Variants in MEGF11 observed in about 807,000 individuals in gnomAD.
The protein encoded by MEGF11 is multiple EGF like domains 11, also known as multiple epidermal growth factor-like domains protein 11.
Under a neutral mutation model 146.6 loss-of-function variants are expected in MEGF11, and 126 were observed. The observed-to-expected ratio is 0.86, with a 90% CI of 0.74 to 1.00. The LOEUF (loss-of-function observed/expected upper bound fraction) is 1.00, where lower values mean the gene tolerates loss of function less well. Among genes scored for constraint, MEGF11 ranks in the 50% least tolerant of loss-of-function variants. MEGF11 has a pLI of 0.00. For missense variants in MEGF11, 1,509 were observed against 1,521.2 expected (o/e 0.99, Z 0.13); for synonymous variants, 532 against 583.4 (o/e 0.91, Z 1.27).
chr15:66,164,451 G>A (rs557300516), intron 1 of MEGF11, among the ~76,000 whole-genome samples: 8 of 152,202 alleles, frequency 5.3e-5, no homozygotes, highest in Middle Eastern at 3.4e-3. Context: ...AGGAGACCTG[G>A]GCCCAAGTTC....
chr15:65,950,510 T>C (rs2080360705), intron 10 of MEGF11, among the ~76,000 whole-genome samples: 1 of 151,244 alleles, frequency 6.6e-6, no homozygotes, highest in African/African-American at 2.4e-5. Context: ...CCCAGAGAGG[T>C]CAAGGCTGCA....
rs2078352983 is a variant in MEGF11, at chr15:65,896,027, T to C, written c.*1907A>G. The C allele has an allele frequency of 6.6e-6, 1 of 152,232 alleles. No homozygotes were observed. Among genetic ancestry groups the C allele is most frequent in the Admixed American group, 6.5e-5 (1 of 15,276 alleles). 9.4% of individuals were successfully genotyped at this position (152,232 alleles called of 1,614,324 possible). ...TAAGGGAAGAAGAGAAAACCTGGGA[T>C]TGAGTTGAAGTTTCTCCTTGCTGAT... On this transcript the variant is annotated 3_prime_UTR_variant, in exon 26 of 26. Transcript: ENST00000395614.
At chr15:66,188,973 G>A (rs1013453167) in intron 1 of MEGF11, among the ~76,000 whole-genome samples, 1 of 152,160 alleles carries the variant, frequency 6.6e-6, no homozygotes, top group African/African-American at 2.4e-5. Context: ...ATGATTCTGA[G>A]TGGAGCTGGC....
At chr15:66,120,334 G>A (rs931898195) in intron 3 of MEGF11, among the ~76,000 whole-genome samples, 2 of 152,230 alleles carry the variant, frequency 1.3e-5, no homozygotes, top group Admixed American at 6.5e-5. Context: ...GAGAGAGGAA[G>A]TGACCTGCCC....
At chr15:66,216,176 T>C in intron 1 of MEGF11, among the ~76,000 whole-genome samples, 1 of 152,176 alleles carries the variant, frequency 6.6e-6, no homozygotes, top group Non-Finnish European at 1.5e-5. Flanking sequence ...GAAATTCCCA[T>C]TGATGCTGAG....
intron 1 of MEGF11, among the ~76,000 whole-genome samples, chr15:66,183,025 G>A (rs1258561375): frequency 6.6e-6 from 1 of 152,182 alleles, no homozygotes; most frequent in Non-Finnish European, 1.5e-5. Context: ...ACAATAACGC[G>A]ATGTTGAGTG....
At chr15:66,239,763 G>C (rs1346356427) in intron 1 of MEGF11, among the ~76,000 whole-genome samples, 1 of 152,240 alleles carries the variant, frequency 6.6e-6, no homozygotes, top group African/African-American at 2.4e-5. Context: ...CTGGGCCCAG[G>C]TGAGGCACCA....
intron 1 of MEGF11, among the ~76,000 whole-genome samples, chr15:66,184,804 T>C (rs983367627): frequency 6.6e-6 from 1 of 151,828 alleles, no homozygotes; most frequent in East Asian, 1.9e-4. Context: ...CCCCTTCTCT[T>C]GTCTGGTGAA....
intron 5 of MEGF11, among the ~76,000 whole-genome samples, chr15:66,039,341 TGAG>T (rs1429505018): frequency 1.3e-5 from 2 of 152,152 alleles, no homozygotes; most frequent in Non-Finnish European, 2.9e-5. Flanking sequence ...TCCTGACAGC[TGAG>T]GAGGAGGGGA....
intron 23 of MEGF11, among the ~76,000 whole-genome samples, chr15:65,907,780 A>C (rs959348371): frequency 1.3e-5 from 2 of 152,230 alleles, no homozygotes; most frequent in African/African-American, 2.4e-5. Context: ...ACAGGCCCAA[A>C]GAGCAACAGT....
At chr15:66,084,979 C>T (rs897080164) in intron 5 of MEGF11, among the ~76,000 whole-genome samples, 6 of 152,152 alleles carry the variant, frequency 3.9e-5, no homozygotes, top group East Asian at 3.9e-4. Context: ...GAAGGGGGGA[C>T]GGGGTGCAGC....
chr15:66,120,353 G>A (rs530466580), intron 3 of MEGF11, among the ~76,000 whole-genome samples: 4 of 152,330 alleles, frequency 2.6e-5, no homozygotes, highest in African/African-American at 7.2e-5. Context: ...CCAAGGTCAT[G>A]GAGTGGAACT....
chr15:66,160,242 C>CCGCT (rs1555477655), intron 1 of MEGF11, among the ~76,000 whole-genome samples: 1 of 133,410 alleles, frequency 7.5e-6, no homozygotes, highest in Non-Finnish European at 1.6e-5. Flanking sequence ...AAGGAAAAGC[C>CCGCT]CTCTCTCTCT....
intron 16 of MEGF11, 69 bp from the exon 17 acceptor site, chr15:65,917,025 G>C (rs1336383999): frequency 1.8e-5 from 25 of 1,420,842 alleles, no homozygotes; most frequent in Non-Finnish European, 2.3e-5. Context: ...GGAGAAGAAG[G>C]GGGAGTACAT....
chr15:66,186,970 G>C (rs139166188), intron 1 of MEGF11, among the ~76,000 whole-genome samples: 16 of 152,328 alleles, frequency 1.1e-4, no homozygotes, highest in African/African-American at 3.4e-4. Flanking sequence ...CCTACCAGCT[G>C]TGTGTGGCCT....
At position 65,914,227 on chromosome 15, in the gene MEGF11, T is replaced by C. The variant is rs1043251563; in HGVS notation, c.2474-254A>G. 1.6e-5 allele frequency: 9 copies of C among 548,130 alleles called. No homozygotes were observed. The African/African-American group carries it at 1.7e-4, about 10-fold the overall frequency. The allele number at this position is 548,130 out of a possible 1,614,324, so 34.0% of individuals were successfully genotyped here. A position where few individuals can be genotyped will look rare whatever the true frequency, so the allele number is the denominator to read the frequency against. Reference sequence around the variant, plus strand: ...AAACAATAAATATTATTTTACTCTGTTCCAAAAATGAGTTAACAGATATTA... The same window carrying C: ...AAACAATAAATATTATTTTACTCTGCTCCAAAAATGAGTTAACAGATATTA... On this transcript the variant is annotated intron_variant, in intron 19 of 25. Coordinates refer to ENST00000395614, the MANE Select transcript of MEGF11 (RefSeq NM_001385028.1).
Position 66,103,280 on chromosome 15 carries a change from G to T in MEGF11, c.302-8786C>A, listed in dbSNP as rs768556278. ...AGCCTTGGAGCAGCTAAGTCTGCAG[G>T]CTACTGGCTATAACGGAATGGTTAT... On this transcript the variant is annotated intron_variant, in intron 4 of 25. Transcript: ENST00000395614. Among the ~76,000 whole-genome samples, 4 of 152,306 alleles carry T rather than the reference G, an allele frequency of 2.6e-5. No homozygotes were observed. In the South Asian group the frequency reaches 8.3e-4, roughly 32 times the overall value.
intron 1 of MEGF11, among the ~76,000 whole-genome samples, chr15:66,177,468 T>A (rs1382763918): frequency 2.6e-5 from 4 of 152,292 alleles, no homozygotes; most frequent in South Asian, 2.1e-4. Flanking sequence ...TGCACAGTAA[T>A]CTTTCTCCTC....
intron 5 of MEGF11, among the ~76,000 whole-genome samples, chr15:65,995,479 G>T (rs1262397143): frequency 1.3e-5 from 2 of 152,200 alleles, no homozygotes; most frequent in Non-Finnish European, 2.9e-5. Flanking sequence ...TTACCATAAA[G>T]GTTGCTAAAC....
Sources: gnomAD v4.1 joint callset for allele counts (sites outside exome capture counted in the v4.1 genomes callset) on GRCh38, gnomAD v4.1.1 for gene constraint, MANE v1.5 for transcripts, NCBI Gene and HGNC (gene_info 2026-07-23, HGNC 2026-07-21) for gene names.